NAA25: variants seen among roughly 807,000 people sequenced by gnomAD.
NAA25 encodes N-alpha-acetyltransferase 25, NatB auxiliary subunit, also known as N-terminal acetyltransferase B complex subunit NAA25.
NAA25 carries 30 observed loss-of-function variants against 132.5 expected under a neutral mutation model. The ratio of observed to expected loss-of-function variants is 0.23; its 90% CI spans 0.17 to 0.31. The LOEUF is 0.31. Ranked by LOEUF, NAA25 falls within the 10% of genes least tolerant of loss-of-function variation. NAA25 has a pLI of 1.00. For missense variants in NAA25, 771 were observed against 1,150.4 expected, an observed-to-expected ratio of 0.67 and a Z score of 4.77; for synonymous variants, 359 against 401.9, an observed-to-expected ratio of 0.89 and a Z score of 1.28.
Position 112,043,611 on chromosome 12 carries a change from T to G in NAA25, c.2250+14A>C. 6.2e-7 allele frequency: 1 copy of G among 1,611,830 alleles called. No homozygotes were observed. The highest frequency in any genetic ancestry group is 1.3e-5 in the African/African-American group (1 of 74,952). ...ATTATTGCAACTTTGATGGTAAATA[T>G]GTATTGATGGTACCTGAATATCCTT... On this transcript the variant is annotated intron_variant, in intron 18 of 23. Transcript: ENST00000261745.
intron 23 of NAA25, among the ~76,000 whole-genome samples, chr12:112,030,586 C>CA (rs2078136629): frequency 6.6e-6 from 1 of 151,980 alleles, no homozygotes; most frequent in Non-Finnish European, 1.5e-5. Flanking sequence ...GTAGAGATCA[C>CA]AAAAAACAAA....
At chr12:112,048,159 T>A (rs940887215) in intron 16 of NAA25, 133 bp downstream of exon 16, 1 of 828,214 alleles carries the variant, frequency 1.2e-6, no homozygotes, top group Non-Finnish European at 1.8e-6. Flanking sequence ...CAAGTTCTGT[T>A]TCCCCACTGT....
At chr12:112,075,060 G>A (rs1398121468) in intron 8 of NAA25, among the ~76,000 whole-genome samples, 1 of 152,122 alleles carries the variant, frequency 6.6e-6, no homozygotes, top group Non-Finnish European at 1.5e-5. Flanking sequence ...ATAGAGGGAA[G>A]GGGAGAGAAG....
intron 13 of NAA25, among the ~76,000 whole-genome samples, chr12:112,059,996 C>G (rs11066142): frequency 6.6e-6 from 1 of 151,836 alleles, no homozygotes; most frequent in East Asian, 1.9e-4. Context: ...TTAGTAGAGA[C>G]GAAGTTTTTT....
At chr12:112,057,728 C>G (rs1207874564) in intron 13 of NAA25, among the ~76,000 whole-genome samples, 1 of 152,152 alleles carries the variant, frequency 6.6e-6, no homozygotes, top group Non-Finnish European at 1.5e-5. Flanking sequence ...CAGTGGCTCA[C>G]GCCTATAATC....
At chr12:112,080,324 C>T (rs1303104212) in intron 5 of NAA25, among the ~76,000 whole-genome samples, 2 of 147,368 alleles carry the variant, frequency 1.4e-5, no homozygotes, top group East Asian at 4.0e-4. Context: ...AAACCCCTAA[C>T]TTAAGTCAAT....
rs2079132662 is a variant in NAA25 at position 112,091,658 on chromosome 12, AACT to A, written c.145-797_145-795del. On this transcript the variant is annotated intron_variant, in intron 2 of 23. Transcript: ENST00000261745. The stretch of plus-strand genomic sequence containing the variant: ...CAGTGAGCTGTGATCATGCCTAGGC[AACT>A]GCAGTCCAGCCTAGGCAACAGGGTG... Among the ~76,000 whole-genome samples, 3 of 152,056 alleles carry A rather than the reference AACT, an allele frequency of 2.0e-5. No homozygotes were observed. In the South Asian group the frequency reaches 6.2e-4, roughly 32 times the overall value.
intron 23 of NAA25, 54 bp from the exon 24 acceptor site, chr12:112,029,707 A>G: frequency 6.3e-7 from 1 of 1,580,384 alleles, no homozygotes; most frequent in South Asian, 1.1e-5. Flanking sequence ...ATCCCCCCAG[A>G]TTCTAGTTCT....
In NAA25 at chr12:112,108,245, T is replaced by G. The variant is rs1380035109; in HGVS notation, c.58+471A>C. On this transcript the variant is annotated intron_variant, in intron 1 of 23. Transcript: ENST00000261745. ...CCCTTCCCCACTCCGGACCTCAGTT[T>G]CTCCTATGCACCGAAGCCCACCTAG... 2.6e-5 allele frequency among the ~76,000 whole-genome samples: 4 copies of G among 151,774 alleles called. No homozygotes were observed. In the East Asian group the frequency reaches 7.7e-4, roughly 29 times the overall value.
chr12:112,084,968 ACGC>A (rs2079024082), intron 4 of NAA25, among the ~76,000 whole-genome samples: 1 of 151,932 alleles, frequency 6.6e-6, no homozygotes, highest in Non-Finnish European at 1.5e-5. Flanking sequence ...GCAGTGGCTC[ACGC>A]CTGTAATCCC....
At chr12:112,069,598 A>G (rs940594596) in intron 10 of NAA25, among the ~76,000 whole-genome samples, 2 of 151,584 alleles carry the variant, frequency 1.3e-5, no homozygotes, top group African/African-American at 2.4e-5. Context: ...AGGCAGGAGG[A>G]TCACCTGAGG....
In NAA25 at chr12:112,090,107, A is replaced by G. The variant is rs574126906; in HGVS notation, c.283+619T>C. On this transcript the variant is annotated intron_variant, in intron 3 of 23. Transcript: ENST00000261745. ...CGGCCATCCAAAGTGCTGGGATTAC[A>G]AGTTTTAGCCACTACGCCTGGCAAC... Among the ~76,000 whole-genome samples the G allele has an allele frequency of 2.0e-5, 3 of 152,140 alleles. No homozygotes were observed. The South Asian group carries it at 6.2e-4, about 32-fold the overall frequency.
At position 112,049,086 on chromosome 12, in the gene NAA25, C is replaced by A. The variant is rs549903558; in HGVS notation, c.1729-643G>T. Among the ~76,000 whole-genome samples, 2 of 152,306 alleles carry A rather than the reference C, an allele frequency of 1.3e-5. No homozygotes were observed. Among genetic ancestry groups the A allele is most frequent in the East Asian group, 1.9e-4 (1 of 5,194 alleles). On this transcript the variant is annotated intron_variant, in intron 15 of 23. Transcript: ENST00000261745. The surrounding 1 kb of genome is among the most constrained non-coding windows in gnomAD (Gnocchi z 4.7). ...CCAAGTTTCTTGTCCATCTACATTA[C>A]GTAAGACCTCTGCTGGAAATTTCCT...
At chr12:112,092,262 A>G (rs1344511204) in intron 2 of NAA25, among the ~76,000 whole-genome samples, 1 of 151,716 alleles carries the variant, frequency 6.6e-6, no homozygotes, top group Non-Finnish European at 1.5e-5. Context: ...AAAAAACGAA[A>G]AAAGAAATAC....
At chr12:112,108,379 C>G (rs78833544) in intron 1 of NAA25, among the ~76,000 whole-genome samples, 2 of 152,218 alleles carry the variant, frequency 1.3e-5, no homozygotes. Flanking sequence ...CTTCCACCTT[C>G]GGGGAGATCT....
chr12:112,063,829 G>A (rs1423361757), intron 11 of NAA25: 1 of 152,150 alleles, frequency 6.6e-6, no homozygotes, highest in Non-Finnish European at 1.5e-5. Flanking sequence ...TGTTGAGCTG[G>A]AACAAAAGGA....
chr12:112,094,760 A>T (rs2079188282), intron 1 of NAA25, among the ~76,000 whole-genome samples: 1 of 152,092 alleles, frequency 6.6e-6, no homozygotes, highest in African/African-American at 2.4e-5. Context: ...CCTGAGTTCA[A>T]GCAATTCTCC....
intron 17 of NAA25, among the ~76,000 whole-genome samples, chr12:112,047,411 T>C (rs1465763730): frequency 6.6e-6 from 1 of 152,066 alleles, no homozygotes; most frequent in Non-Finnish European, 1.5e-5. Flanking sequence ...TTTGTATTTT[T>C]AGTAGAGATA....
intron 13 of NAA25, among the ~76,000 whole-genome samples, chr12:112,058,142 A>G (rs1366750990): frequency 6.6e-6 from 1 of 152,038 alleles, no homozygotes; most frequent in Non-Finnish European, 1.5e-5. Flanking sequence ...GCGAGACTCC[A>G]TCCCAAAACA....
Sources: gnomAD v4.1 joint callset for allele counts (sites outside exome capture counted in the v4.1 genomes callset) on GRCh38, gnomAD v4.1.1 for gene constraint, Gnocchi (gnomAD v3.1) non-coding constraint, MANE v1.5 for transcripts, NCBI Gene and HGNC (gene_info 2026-07-23, HGNC 2026-07-21) for gene names.